Variants in GRK3 observed in about 807,000 individuals in gnomAD.
The protein encoded by GRK3 is G protein-coupled receptor kinase 3, also known as adrenergic, beta, receptor kinase 2.
In GRK3, 54 loss-of-function variants were observed where a neutral mutation model predicts 95.7. That is an observed-to-expected ratio of 0.56 (90% CI 0.45 to 0.71). The LOEUF is 0.71. Ranked by LOEUF, GRK3 falls within the 30% of genes least tolerant of loss-of-function variation. The pLI is 0.00. For missense variants in GRK3, 649 were observed against 851.2 expected, an observed-to-expected ratio of 0.76 and a Z score of 2.96; for synonymous variants, 281 against 290.8, an observed-to-expected ratio of 0.97 and a Z score of 0.34.
chr22:25,581,243 G>A (rs934957923), intron 1 of GRK3: 7 of 152,204 alleles, frequency 4.6e-5, no homozygotes, highest in Non-Finnish European at 1.0e-4. Context: ...ATATCCTTTT[G>A]CATGTTTGAA....
At chr22:25,695,272 A>T in intron 13 of GRK3, 58 bp downstream of exon 13, 2 of 1,201,208 alleles carry the variant, frequency 1.7e-6, no homozygotes, top group Non-Finnish European at 2.5e-6. Flanking sequence ...CTTGGATGAA[A>T]ACTGAGAATA....
At chr22:25,663,513 T>A in intron 4 of GRK3, 117 bp from the exon 5 acceptor site, 2 of 600,392 alleles carry the variant, frequency 3.3e-6, no homozygotes, top group Non-Finnish European at 5.7e-6. Flanking sequence ...GTTAATATAA[T>A]TACCGTAGGT....
intron 13 of GRK3, 63 bp from the exon 14 acceptor site, chr22:25,703,447 T>C: frequency 8.0e-7 from 1 of 1,247,366 alleles, no homozygotes; most frequent in Non-Finnish European, 1.2e-6. Flanking sequence ...CAAATATTAG[T>C]CAGTGATATG....
chr22:25,674,372 A>C, intron 7 of GRK3, 65 bp from the exon 8 acceptor site: 1 of 1,354,524 alleles, frequency 7.4e-7, no homozygotes, highest in Non-Finnish European at 1.0e-6. Flanking sequence ...TTTGCATGAA[A>C]AAATCTTTAA....
intron 19 of GRK3, among the ~76,000 whole-genome samples, chr22:25,719,118 C>T (rs1347746412): frequency 6.6e-6 from 1 of 151,802 alleles, no homozygotes; most frequent in African/African-American, 2.4e-5. Flanking sequence ...CTCAGGGGTT[C>T]CTGGAACCAG....
At chr22:25,616,511 A>C (rs1245669319) in intron 2 of GRK3, among the ~76,000 whole-genome samples, 2 of 152,156 alleles carry the variant, frequency 1.3e-5, no homozygotes. Flanking sequence ...TGACCCAGTC[A>C]CCTTCCACCA....
chr22:25,631,992 G>A lies in GRK3; in HGVS notation c.191-12600G>A, dbSNP rs182111496. Among the ~76,000 whole-genome samples, 3 of 152,218 alleles carry A rather than the reference G, an allele frequency of 2.0e-5. No homozygotes were observed. In the East Asian group the frequency reaches 5.8e-4, roughly 29 times the overall value. ...ACCAACTGAACATTTGGGTTGTTTC[G>A]AGTAAAGCTAGCTACTTTAAGTATC... On this transcript the variant is annotated intron_variant, in intron 2 of 20. Transcript: ENST00000324198.
intron 3 of GRK3, among the ~76,000 whole-genome samples, chr22:25,656,343 G>T (rs1005116932): frequency 2.0e-5 from 3 of 152,018 alleles, no homozygotes; most frequent in Admixed American, 1.3e-4. Context: ...TTGAGACAGG[G>T]TCTCACTCTG....
chr22:25,678,230 G>T (rs189364694), intron 8 of GRK3, among the ~76,000 whole-genome samples: 1 of 152,168 alleles, frequency 6.6e-6, no homozygotes, highest in African/African-American at 2.4e-5. Context: ...TGAGGTGGGC[G>T]GATCATGAGG....
At position 25,565,097 on chromosome 22, in the gene GRK3, G is replaced by C. The variant is rs759106558; in HGVS notation, c.57G>C (p.Lys19Asn). ...ADVSYLMAMEKSKATPAARAS... is the reference protein window; with the variant it reads ...ADVSYLMAMENSKATPAARAS... ...TCAGTTACCTGATGGCCATGGAGAA[G>C]AGCAAGGCGACCCCGGCCGCCCGCG... Residue 19 changes from lysine (K) to asparagine (N), a missense_variant, in exon 1 of 21, where the codon AAG becomes AAC. This residue lies in a region of GRK3 where 206 missense variants were observed against 231.4 expected (regional missense o/e 0.89). Coordinates refer to ENST00000324198, the MANE Select transcript of GRK3 (RefSeq NM_005160.4). 7.7e-6 allele frequency: 12 copies of C among 1,549,750 alleles called. No homozygotes were observed.
rs1193009978 is a variant in GRK3 at position 25,648,607 on chromosome 22, T to A, written c.264+3942T>A. ...ATAAGACATGGTAAACTTGTTCCAC[T>A]ATATGCTGTTGTTTCTGAAGAGCCA... On this transcript the variant is annotated intron_variant, in intron 3 of 20. Transcript: ENST00000324198. 2.6e-6 allele frequency: 3 copies of A among 1,162,552 alleles called. No individual in the cohort carries two copies. In the African/African-American group the frequency reaches 4.6e-5, roughly 18 times the overall value. The allele number at this position is 1,162,552 out of a possible 1,614,324, so 72.0% of individuals were successfully genotyped here.
At chr22:25,702,987 G>C in intron 13 of GRK3, 1 of 418,900 alleles carries the variant, frequency 2.4e-6, no homozygotes, top group Admixed American at 2.8e-5. Context: ...ATCTGCTGGT[G>C]CACGGTTAGT....
intron 2 of GRK3, among the ~76,000 whole-genome samples, chr22:25,639,645 C>T (rs1479687009): frequency 6.6e-6 from 1 of 151,978 alleles, no homozygotes; most frequent in African/African-American, 2.4e-5. Flanking sequence ...TTTGGGTATT[C>T]TAGGTTTTTT....
At chr22:25,687,222 G>C (rs758766223) in intron 10 of GRK3, among the ~76,000 whole-genome samples, 19 of 151,962 alleles carry the variant, frequency 1.3e-4, no homozygotes, top group Non-Finnish European at 1.8e-4. Flanking sequence ...CACTTACTAG[G>C]ATTTAGGTAA....
At chr22:25,612,136 AGT>A (rs2084502946) in intron 2 of GRK3, among the ~76,000 whole-genome samples, 1 of 152,080 alleles carries the variant, frequency 6.6e-6, no homozygotes, top group Admixed American at 6.6e-5. Context: ...CCCGGCCTTT[AGT>A]GTCATATTTA....
At chr22:25,703,970 T>C in intron 14 of GRK3, 139 bp from the exon 15 acceptor site, 1 of 616,106 alleles carries the variant, frequency 1.6e-6, no homozygotes, top group Non-Finnish European at 2.8e-6. Context: ...TTCATGTTTC[T>C]ATAGAGTAAA....
At chr22:25,718,221 T>A (rs758898543) in intron 18 of GRK3, 24 bp from the exon 19 acceptor site, 79 of 1,608,608 alleles carry the variant, frequency 4.9e-5, no homozygotes, top group Non-Finnish European at 6.1e-5. Flanking sequence ...CCTATTTAAC[T>A]CCTAGTGATT....
chr22:25,655,539 T>C (rs983492251), intron 3 of GRK3, among the ~76,000 whole-genome samples: 3 of 152,214 alleles, frequency 2.0e-5, no homozygotes, highest in Non-Finnish European at 4.4e-5. Context: ...ACACTGTTTG[T>C]TGTCTAATGC....
At chr22:25,614,492 A>T (rs2084523295) in intron 2 of GRK3, among the ~76,000 whole-genome samples, 1 of 152,176 alleles carries the variant, frequency 6.6e-6, no homozygotes, top group Admixed American at 6.5e-5. Context: ...TGAGTGTGTG[A>T]TTGGAATACT....
Sources: gnomAD v4.1 joint callset for allele counts (sites outside exome capture counted in the v4.1 genomes callset) on GRCh38, gnomAD v4.1.1 for gene constraint, gnomAD v4.1.1 regional missense constraint, MANE v1.5 for transcripts, NCBI Gene and HGNC (gene_info 2026-07-23, HGNC 2026-07-21) for gene names.